The following SPON1 variants were observed in gnomAD, a reference collection of about 807,000 sequenced individuals.
SPON1 encodes spondin-1.
Under a neutral mutation model 111.7 loss-of-function variants are expected in SPON1, and 52 were observed. The ratio of observed to expected loss-of-function variants is 0.47; its 90% CI spans 0.37 to 0.59. The LOEUF is 0.59. Ranked by LOEUF, SPON1 falls within the 20% of genes least tolerant of loss-of-function variation. The pLI, the probability that SPON1 is intolerant of heterozygous loss-of-function variation, is 0.00. For missense variants in SPON1, 957 were observed against 1,068.5 expected, an observed-to-expected ratio of 0.90 and a Z score of 1.46; for synonymous variants, 410 against 395.8, an observed-to-expected ratio of 1.04 and a Z score of -0.43.
At chr11:14,141,651 A>G (rs1554928799) in intron 6 of SPON1, among the ~76,000 whole-genome samples, 2 of 152,192 alleles carry the variant, frequency 1.3e-5, no homozygotes, top group Non-Finnish European at 2.9e-5. Flanking sequence ...CTTTTTCTTT[A>G]AAGTTGAAAC....
chr11:14,043,816 C>G (rs1554917577), intron 3 of SPON1, among the ~76,000 whole-genome samples: 1 of 152,234 alleles, frequency 6.6e-6, no homozygotes, highest in Non-Finnish European at 1.5e-5. Context: ...GTTATGTGTA[C>G]ATATGTTTAT....
intron 6 of SPON1, among the ~76,000 whole-genome samples, chr11:14,215,434 A>G (rs540520060): frequency 6.6e-6 from 1 of 152,286 alleles, no homozygotes; most frequent in Non-Finnish European, 1.5e-5. Flanking sequence ...TTCAAGGGGT[A>G]TCTTGAAGGC....
At chr11:13,963,368 C>A (rs1010713038) in intron 1 of SPON1, among the ~76,000 whole-genome samples, 3 of 152,200 alleles carry the variant, frequency 2.0e-5, no homozygotes, top group African/African-American at 7.2e-5. Context: ...AGGAGAGGCA[C>A]CCCGCGTTTC....
At chr11:14,159,615 C>T (rs531624682) in intron 6 of SPON1, among the ~76,000 whole-genome samples, 81 of 152,014 alleles carry the variant, frequency 5.3e-4, no homozygotes, top group Admixed American at 8.5e-4. Flanking sequence ...TCACAATAGC[C>T]GCAATTTGGA....
At chr11:14,160,572 T>C (rs1374505986) in intron 6 of SPON1, among the ~76,000 whole-genome samples, 3 of 24,028 alleles carry the variant, frequency 1.2e-4, no homozygotes, top group East Asian at 2.1e-3. Flanking sequence ...TATATATATT[T>C]ATATATATAT....
At chr11:14,191,973 GTATTTTGCCCT>G (rs1848351529) in intron 6 of SPON1, among the ~76,000 whole-genome samples, 1 of 152,028 alleles carries the variant, frequency 6.6e-6, no homozygotes, top group African/African-American at 2.4e-5. Context: ...GGATTTTATT[GTATTTTGCCCT>G]TATCAGTTTA....
At chr11:14,085,992 T>G (rs932649342) in intron 5 of SPON1, among the ~76,000 whole-genome samples, 6 of 152,218 alleles carry the variant, frequency 3.9e-5, no homozygotes, top group Non-Finnish European at 8.8e-5. Flanking sequence ...TTTTGCACAT[T>G]GATTTTGTAT....
At chr11:14,128,415 A>G (rs1847487780) in intron 5 of SPON1, among the ~76,000 whole-genome samples, 1 of 152,250 alleles carries the variant, frequency 6.6e-6, no homozygotes, top group South Asian at 2.1e-4. Context: ...TTAAAGCTCC[A>G]AAATAATCTC....
intron 5 of SPON1, among the ~76,000 whole-genome samples, chr11:14,113,606 T>A (rs1849243656): frequency 1.1e-5 from 1 of 93,518 alleles, no homozygotes; most frequent in South Asian, 4.0e-4. Flanking sequence ...TTTTTTTTTT[T>A]TTTTTTTTTT....
Position 14,079,992 on chromosome 11 carries a change from C to T in SPON1, c.647C>T (p.Ser216Phe). The change falls in exon 5 of 16, where the codon TCC becomes TTC. Residue 216 changes from serine (S) to phenylalanine (F), a missense_variant. Transcript: ENST00000576479. ...KYRLTFYGNW[S>F]EKTHPKDYPR... Reference sequence around the variant, plus strand: ...AGACTCACATTTTATGGGAATTGGTCCGAGAAGACACACCCAAAGGATTAC... The same window carrying T: ...AGACTCACATTTTATGGGAATTGGTTCGAGAAGACACACCCAAAGGATTAC... 1 of 1,613,884 alleles carries T rather than the reference C, an allele frequency of 6.2e-7. No individual in the cohort carries two copies. The highest frequency in any genetic ancestry group is 1.1e-5 in the South Asian group (1 of 91,070).
chr11:14,114,289 T>C (rs1849250837), intron 5 of SPON1, among the ~76,000 whole-genome samples: 2 of 152,194 alleles, frequency 1.3e-5, no homozygotes, highest in South Asian at 4.1e-4. Context: ...CCTTTTGTAC[T>C]TTAAAAAATA....
chr11:14,204,984 G>A (rs1459412783), intron 6 of SPON1, among the ~76,000 whole-genome samples: 1 of 152,136 alleles, frequency 6.6e-6, no homozygotes, highest in Non-Finnish European at 1.5e-5. Flanking sequence ...ACCGCGCCTG[G>A]CCGATCCTCC....
intron 6 of SPON1, among the ~76,000 whole-genome samples, chr11:14,237,721 A>G (rs1178278057): frequency 6.6e-6 from 1 of 152,248 alleles, no homozygotes; most frequent in African/African-American, 2.4e-5. Context: ...TCTTCAGCCC[A>G]AGGAGCCTGT....
chr11:13,971,031 C>T (rs1848059363), intron 1 of SPON1, among the ~76,000 whole-genome samples: 1 of 152,108 alleles, frequency 6.6e-6, no homozygotes, highest in Non-Finnish European at 1.5e-5. Context: ...CCCAAGAACC[C>T]TGGTGTGAGC....
intron 5 of SPON1, among the ~76,000 whole-genome samples, chr11:14,129,022 C>T (rs1183989193): frequency 1.3e-5 from 2 of 152,246 alleles, no homozygotes; most frequent in Non-Finnish European, 2.9e-5. Context: ...GCCCAGAAAA[C>T]CATTTTCCCT....
chr11:14,019,071 A>C (rs1409298587), intron 2 of SPON1, among the ~76,000 whole-genome samples: 2 of 152,180 alleles, frequency 1.3e-5, no homozygotes, highest in African/African-American at 4.8e-5. Flanking sequence ...ACAGAGTTTG[A>C]ATGAGGAGCC....
At chr11:14,101,972 C>G (rs1363393014) in intron 5 of SPON1, among the ~76,000 whole-genome samples, 1 of 152,208 alleles carries the variant, frequency 6.6e-6, no homozygotes, top group Non-Finnish European at 1.5e-5. Context: ...TTATCATTCT[C>G]TCACCATATA....
intron 2 of SPON1, among the ~76,000 whole-genome samples, chr11:13,991,688 G>A (rs1379807068): frequency 6.6e-6 from 1 of 152,072 alleles, no homozygotes; most frequent in Admixed American, 6.5e-5. Context: ...AACTTTTTTT[G>A]CTGGCTTATC....
chr11:14,041,934 C>A (rs1186115666), intron 3 of SPON1, among the ~76,000 whole-genome samples: 1 of 152,044 alleles, frequency 6.6e-6, no homozygotes, highest in African/African-American at 2.4e-5. Context: ...AATTACAAAC[C>A]AGGTGAAGAT....
Sources: allele counts gnomAD v4.1 joint callset (sites outside exome capture counted in the v4.1 genomes callset), GRCh38; gene constraint gnomAD v4.1.1; transcripts MANE v1.5; gene names NCBI Gene and HGNC (gene_info 2026-07-23, HGNC 2026-07-21).